The following SH3PXD2A variants were observed in gnomAD, a reference collection of about 807,000 sequenced individuals.
SH3PXD2A encodes SH3 and PX domains 2A.
In SH3PXD2A, 32 loss-of-function variants were observed where a neutral mutation model predicts 115.2. That is an observed-to-expected ratio of 0.28 (90% confidence interval 0.21 to 0.37). The LOEUF (loss-of-function observed/expected upper bound fraction) is 0.37. Ranked by LOEUF, SH3PXD2A falls within the 10% of genes least tolerant of loss-of-function variation. The probability of loss-of-function intolerance (pLI) is 1.00; values close to 1 mark genes in which losing one functional copy is unlikely to be tolerated. For missense variants in SH3PXD2A, 1,328 were observed against 1,498.7 expected, an observed-to-expected ratio of 0.89 and a Z score of 1.88; for synonymous variants, 610 against 629.1, an observed-to-expected ratio of 0.97 and a Z score of 0.45.
intron 2 of SH3PXD2A, among the ~76,000 whole-genome samples, chr10:103,779,139 G>A (rs546924844): frequency 2.0e-5 from 3 of 152,260 alleles, no homozygotes; most frequent in East Asian, 3.9e-4. Context: ...CACGATCCCG[G>A]CTCACTGCAA....
At chr10:103,683,393 A>G (rs2134110367) in intron 6 of SH3PXD2A, among the ~76,000 whole-genome samples, 1 of 152,170 alleles carries the variant, frequency 6.6e-6, no homozygotes, top group Non-Finnish European at 1.5e-5. Context: ...GGGTGCCTGT[A>G]GTCCCAGCTA....
chr10:103,827,225 T>C (rs1220202075), intron 1 of SH3PXD2A, among the ~76,000 whole-genome samples: 3 of 152,102 alleles, frequency 2.0e-5, no homozygotes, highest in Non-Finnish European at 4.4e-5. Context: ...GGGATGGTGA[T>C]AAAAACTGGG....
At chr10:103,711,770 G>A (rs2038049146) in intron 5 of SH3PXD2A, among the ~76,000 whole-genome samples, 1 of 152,202 alleles carries the variant, frequency 6.6e-6, no homozygotes, top group Non-Finnish European at 1.5e-5. Flanking sequence ...ATGTCCCTCT[G>A]GTGGCCAGGC....
At chr10:103,705,842 C>T (rs1223105568) in intron 5 of SH3PXD2A, among the ~76,000 whole-genome samples, 1 of 151,908 alleles carries the variant, frequency 6.6e-6, no homozygotes, top group South Asian at 2.1e-4. Context: ...ACTAAAAATA[C>T]AAAAATTAGC....
chr10:103,651,196 A>G (rs1231707158), intron 8 of SH3PXD2A, among the ~76,000 whole-genome samples: 2 of 152,170 alleles, frequency 1.3e-5, no homozygotes, highest in Non-Finnish European at 2.9e-5. Context: ...GCCTCCCGGC[A>G]GCTGGGTCCC....
At chr10:103,685,168 T>A (rs1489146233) in intron 6 of SH3PXD2A, among the ~76,000 whole-genome samples, 1 of 151,942 alleles carries the variant, frequency 6.6e-6, no homozygotes, top group African/African-American at 2.4e-5. Flanking sequence ...TGAAATCCCA[T>A]CTCTACTAAA....
intron 7 of SH3PXD2A, among the ~76,000 whole-genome samples, chr10:103,663,060 C>A (rs937206787): frequency 1.3e-5 from 2 of 152,230 alleles, no homozygotes; most frequent in Admixed American, 1.3e-4. Context: ...CCGCCTCAGT[C>A]TCTCAAAGTG....
chr10:103,622,810 A>C (rs1592267874), intron 9 of SH3PXD2A, among the ~76,000 whole-genome samples: 1 of 152,186 alleles, frequency 6.6e-6, no homozygotes, highest in East Asian at 1.9e-4. Context: ...AGTGGGCTAA[A>C]GCCTTTAGAA....
At chr10:103,658,482 C>G (rs758092832) in intron 8 of SH3PXD2A, among the ~76,000 whole-genome samples, 30 of 152,210 alleles carry the variant, frequency 2.0e-4, no homozygotes, top group Non-Finnish European at 4.0e-4. Flanking sequence ...TCTCCCCCAC[C>G]GTCAGGCCTC....
At chr10:103,755,781 A>C (rs903943275) in intron 3 of SH3PXD2A, among the ~76,000 whole-genome samples, 1 of 152,174 alleles carries the variant, frequency 6.6e-6, no homozygotes, top group African/African-American at 2.4e-5. Context: ...TGTCCCTGGA[A>C]GTTCTCTCTG....
rs1371248698 is a variant in SH3PXD2A at position 103,627,364 on chromosome 10, A to C, written c.605-162T>G. Among the ~76,000 whole-genome samples the C allele has an allele frequency of 6.6e-6, 1 of 152,232 alleles. No homozygotes were observed. Among genetic ancestry groups the C allele is most frequent in the East Asian group, 1.9e-4 (1 of 5,206 alleles). On this transcript the variant is annotated intron_variant, in intron 8 of 14. Transcript: ENST00000369774. This position sits in a 1 kb window ranked among gnomAD's most constrained non-coding sequence, Gnocchi z 4.4. ...GCCTGGCCCAGCTCCAGCCTCGAGG[A>C]GCCTGCGTCTGTTCTAAGGCAGAAA...
chr10:103,631,192 G>C (rs1381131019), intron 8 of SH3PXD2A, among the ~76,000 whole-genome samples: 1 of 152,142 alleles, frequency 6.6e-6, no homozygotes, highest in Admixed American at 6.5e-5. Flanking sequence ...TCGAGCCCAG[G>C]AGTTTAAGGC....
intron 1 of SH3PXD2A, among the ~76,000 whole-genome samples, chr10:103,826,722 A>C (rs7895252): frequency 1 from 151,837 of 152,332 alleles, 75,680 homozygotes; most frequent in Middle Eastern, 1. Context: ...ACTCTGTAAC[A>C]TCCCTTCTCT....
chr10:103,653,475 G>A (rs2037161385), intron 8 of SH3PXD2A, among the ~76,000 whole-genome samples: 1 of 152,216 alleles, frequency 6.6e-6, no homozygotes, highest in Non-Finnish European at 1.5e-5. Context: ...GCCACACCGA[G>A]GCCACCACTA....
chr10:103,630,961 G>T (rs2036771075), intron 8 of SH3PXD2A, among the ~76,000 whole-genome samples: 1 of 152,104 alleles, frequency 6.6e-6, no homozygotes, highest in Admixed American at 6.5e-5. Context: ...CCCAGTGGAT[G>T]CCTGAAACTG....
intron 1 of SH3PXD2A, among the ~76,000 whole-genome samples, chr10:103,809,302 T>C (rs1044619934): frequency 2.0e-5 from 3 of 152,196 alleles, no homozygotes; most frequent in Admixed American, 6.5e-5. Flanking sequence ...AGGACTTTTC[T>C]AGTCCTGAGA....
At chr10:103,698,175 G>A (rs925862608) in intron 5 of SH3PXD2A, among the ~76,000 whole-genome samples, 3 of 152,226 alleles carry the variant, frequency 2.0e-5, no homozygotes, top group Non-Finnish European at 4.4e-5. Flanking sequence ...AGAGTGAGAG[G>A]TGAAGCCAGG....
chr10:103,804,554 C>T (rs1231357295), intron 1 of SH3PXD2A, among the ~76,000 whole-genome samples: 1 of 151,872 alleles, frequency 6.6e-6, no homozygotes, highest in African/African-American at 2.4e-5. Flanking sequence ...GATCTTCTCA[C>T]CTCGTGATCT....
At chr10:103,811,788 T>G (rs543881379) in intron 1 of SH3PXD2A, among the ~76,000 whole-genome samples, 1 of 152,342 alleles carries the variant, frequency 6.6e-6, no homozygotes, top group South Asian at 2.1e-4. Context: ...TTGCATAGTT[T>G]AAAATCAATC....
Sources: allele counts gnomAD v4.1 joint callset (sites outside exome capture counted in the v4.1 genomes callset), GRCh38; gene constraint gnomAD v4.1.1; non-coding constraint Gnocchi (gnomAD v3.1); transcripts MANE v1.5; gene names NCBI Gene and HGNC (gene_info 2026-07-23, HGNC 2026-07-21).